The following ARPC1A variants were observed in gnomAD, a reference collection of about 807,000 sequenced individuals.
ARPC1A encodes the protein actin related protein 2/3 complex subunit 1A.
A neutral mutation model predicts 46.9 loss-of-function variants in ARPC1A; 8 were observed. The ratio of observed to expected loss-of-function variants is 0.17; its 90% CI spans 0.10 to 0.31. The LOEUF (loss-of-function observed/expected upper bound fraction) is 0.31. ARPC1A is among the 10% of genes least tolerant of loss of function. The pLI, the probability that ARPC1A is intolerant of heterozygous loss-of-function variation, is 1.00. For missense variants in ARPC1A, 286 were observed against 483.6 expected (o/e 0.59, Z 3.83); for synonymous variants, 152 against 169.0 (o/e 0.90, Z 0.78).
chr7:99,326,535 A>C (rs992153272), intron 1 of ARPC1A, among the ~76,000 whole-genome samples: 1 of 152,110 alleles, frequency 6.6e-6, no homozygotes, highest in Non-Finnish European at 1.5e-5. Context: ...CCTTCCCCCA[A>C]GTCAAAATTG....
intron 6 of ARPC1A, among the ~76,000 whole-genome samples, chr7:99,356,047 A>G (rs1193084523): frequency 6.6e-6 from 1 of 152,172 alleles, no homozygotes; most frequent in Non-Finnish European, 1.5e-5. Flanking sequence ...AAGAGAGAAG[A>G]TTGGAATCCT....
At chr7:99,335,474 A>G (rs947696892) in intron 2 of ARPC1A, 13 of 399,852 alleles carry the variant, frequency 3.3e-5, no homozygotes, top group South Asian at 5.3e-5. Context: ...CTTGATTACT[A>G]TAGCTTGGTG....
At chr7:99,342,943 C>T (rs567381792) in intron 3 of ARPC1A, among the ~76,000 whole-genome samples, 5 of 151,968 alleles carry the variant, frequency 3.3e-5, no homozygotes, top group South Asian at 2.1e-4. Flanking sequence ...AGGATAGTCT[C>T]GATCTCCTAA....
chr7:99,331,901 AGAGT>A (rs1793149732), intron 1 of ARPC1A, among the ~76,000 whole-genome samples: 2 of 152,380 alleles, frequency 1.3e-5, no homozygotes, highest in Middle Eastern at 3.4e-3. Flanking sequence ...TCTGGGCAAC[AGAGT>A]GAGACTCTGT....
At chr7:99,363,219 T>G (rs1209243262) in intron 8 of ARPC1A, among the ~76,000 whole-genome samples, 1 of 152,092 alleles carries the variant, frequency 6.6e-6, no homozygotes, top group Non-Finnish European at 1.5e-5. Flanking sequence ...TGCTTTGGGG[T>G]ATTTTCTGAG....
At chr7:99,355,151 A>G (rs1391549794) in intron 6 of ARPC1A, among the ~76,000 whole-genome samples, 4 of 151,100 alleles carry the variant, frequency 2.6e-5, no homozygotes, top group African/African-American at 9.7e-5. Flanking sequence ...GCATAGTGGC[A>G]TATGCCTGTA....
intron 3 of ARPC1A, 81 bp from the exon 4 acceptor site, chr7:99,344,212 A>C: frequency 7.5e-7 from 1 of 1,336,968 alleles, no homozygotes; most frequent in South Asian, 1.3e-5. Context: ...TCATCCTGGC[A>C]TGCCAGTGCC....
intron 3 of ARPC1A, among the ~76,000 whole-genome samples, chr7:99,339,188 C>T (rs771199429): frequency 6.6e-6 from 1 of 152,184 alleles, no homozygotes; most frequent in African/African-American, 2.4e-5. Context: ...CCCTGGAAGG[C>T]AGACTATAAT....
At chr7:99,344,763 T>C (rs766375889) in intron 4 of ARPC1A, among the ~76,000 whole-genome samples, 2 of 152,010 alleles carry the variant, frequency 1.3e-5, no homozygotes, top group Non-Finnish European at 1.5e-5. Flanking sequence ...TGCAAGATGC[T>C]ATTACTGTTC....
chr7:99,327,779 A>G (rs543933650), intron 1 of ARPC1A, among the ~76,000 whole-genome samples: 1 of 152,212 alleles, frequency 6.6e-6, no homozygotes, highest in Admixed American at 6.5e-5. Context: ...AACAAATCCT[A>G]TATAAAGAAG....
At chr7:99,332,517 C>A (rs1364006912) in intron 1 of ARPC1A, among the ~76,000 whole-genome samples, 1 of 152,096 alleles carries the variant, frequency 6.6e-6, no homozygotes, top group Non-Finnish European at 1.5e-5. Flanking sequence ...TTTAAGAGTC[C>A]ATTGACGACC....
intron 3 of ARPC1A, among the ~76,000 whole-genome samples, chr7:99,343,501 C>T (rs1424644276): frequency 6.6e-6 from 1 of 151,326 alleles, no homozygotes; most frequent in Non-Finnish European, 1.5e-5. Context: ...AAGAAAATAC[C>T]TCATCAATAA....
At chr7:99,347,233 C>A (rs575274860) in intron 4 of ARPC1A, among the ~76,000 whole-genome samples, 1 of 152,230 alleles carries the variant, frequency 6.6e-6, no homozygotes, top group East Asian at 1.9e-4. Context: ...CCACACCTGG[C>A]TAATTTTTTG....
At chr7:99,358,285 G>A (rs1793675365) in intron 6 of ARPC1A, 55 bp from the exon 7 acceptor site, 1 of 1,544,198 alleles carries the variant, frequency 6.5e-7, no homozygotes, top group Non-Finnish European at 9.0e-7. Flanking sequence ...ATCTGTGTCT[G>A]TAAAGAAGCT....
At chr7:99,334,036 TATGTA>T (rs1329925362) in intron 2 of ARPC1A, among the ~76,000 whole-genome samples, 118 of 135,466 alleles carry the variant, frequency 8.7e-4, no homozygotes, top group African/African-American at 1.9e-3. Flanking sequence ...CACACATATA[TATGTA>T]TTTTTTTTTT....
chr7:99,361,481 A>G (rs1250408603), intron 8 of ARPC1A, among the ~76,000 whole-genome samples: 1 of 149,660 alleles, frequency 6.7e-6, no homozygotes, highest in Non-Finnish European at 1.5e-5. Context: ...AAAAAAAAAG[A>G]ACCTGAAGGC....
intron 6 of ARPC1A, among the ~76,000 whole-genome samples, chr7:99,356,183 G>A (rs528019704): frequency 9.2e-5 from 14 of 152,284 alleles, no homozygotes; most frequent in Non-Finnish European, 1.6e-4. Context: ...CACACTGGGT[G>A]ACCTTTACTC....
intron 4 of ARPC1A, among the ~76,000 whole-genome samples, chr7:99,347,711 T>G (rs1292368992): frequency 2.7e-5 from 4 of 147,570 alleles, no homozygotes. Context: ...CTCAAAAAAA[T>G]AAAAAATAAA....
rs60398022 is a variant in ARPC1A at position 99,344,864 on chromosome 7, C to CT, written c.392+364dup. ...CTCCGTTCCCTGAGGAATATTTTTT[C>CT]TTTTTTTTTTTTTTTCACAGGATAT... is the stretch of plus-strand genomic sequence containing the variant. On this transcript the variant is annotated intron_variant, in intron 4 of 9. Transcript: ENST00000262942. Among the ~76,000 whole-genome samples, 192 of 69,304 alleles carry CT rather than the reference C, an allele frequency of 2.8e-3. 1 individual carries two copies. The highest frequency in any genetic ancestry group is 0.011 in the East Asian group (20 of 1,866). The allele number at this position is 69,304 out of a possible 152,430, so 45.5% of individuals were successfully genotyped here. A position where few individuals can be genotyped will look rare whatever the true frequency, so the allele number is the denominator to read the frequency against.
Sources: allele counts gnomAD v4.1 joint callset (sites outside exome capture counted in the v4.1 genomes callset), GRCh38; gene constraint gnomAD v4.1.1; transcripts MANE v1.5; gene names NCBI Gene and HGNC (gene_info 2026-07-23, HGNC 2026-07-21).